Variants in BCL2 observed in about 807,000 individuals in gnomAD.
BCL2 encodes BCL2 apoptosis regulator.
Under a neutral mutation model 14.2 loss-of-function variants are expected in BCL2, and 1 was observed. The ratio of observed to expected loss-of-function variants is 0.07; its 90% CI spans 0.02 to 0.33. BCL2 has a LOEUF of 0.33. Ranked by LOEUF, BCL2 falls within the 10% of genes least tolerant of loss-of-function variation. The probability of loss-of-function intolerance (pLI) is 0.99; values close to 1 mark genes in which losing one functional copy is unlikely to be tolerated. For synonymous variants in BCL2, 151 were observed against 137.2 expected (o/e 1.10, Z -0.70); for missense variants, 247 against 305.9 (o/e 0.81, Z 1.44).
intron 2 of BCL2, among the ~76,000 whole-genome samples, chr18:63,267,534 C>A (rs1911867633): frequency 6.6e-6 from 1 of 152,086 alleles, no homozygotes; most frequent in Non-Finnish European, 1.5e-5. Flanking sequence ...ATGCAACTCA[C>A]TGAGATAAGA....
At position 63,243,138 on chromosome 18, in the gene BCL2, T is replaced by C. The variant is rs187746191; in HGVS notation, c.585+74944A>G. ...TCAGTGATAGACTGGATAAAGAAAA[T>C]TTGGTACATATACACCATGGAATGA... On this transcript the variant is annotated intron_variant, in intron 2 of 2. Coordinates refer to ENST00000333681, the MANE Select transcript of BCL2 (RefSeq NM_000633.3). 1.1e-4 allele frequency among the ~76,000 whole-genome samples: 16 copies of C among 152,232 alleles called. 1 individual carries two copies. Among genetic ancestry groups the C allele is most frequent in the Admixed American group, 2.0e-4 (3 of 15,288 alleles).
At chr18:63,164,428 C>G (rs911076591) in intron 2 of BCL2, among the ~76,000 whole-genome samples, 1 of 152,190 alleles carries the variant, frequency 6.6e-6, no homozygotes, top group African/African-American at 2.4e-5. Flanking sequence ...AGAAGAAAAC[C>G]TCATCCTGGT....
chr18:63,257,369 C>T (rs1911509676), intron 2 of BCL2, among the ~76,000 whole-genome samples: 1 of 152,218 alleles, frequency 6.6e-6, no homozygotes, highest in African/African-American at 2.4e-5. Context: ...GCAAAGTATG[C>T]TGCCATCTAA....
chr18:63,262,350 C>G (rs1911686311), intron 2 of BCL2, among the ~76,000 whole-genome samples: 1 of 152,184 alleles, frequency 6.6e-6, no homozygotes, highest in Non-Finnish European at 1.5e-5. Flanking sequence ...TGTGGCTGAT[C>G]ATCTCCTTGA....
chr18:63,187,801 G>A (rs539818391), intron 2 of BCL2, among the ~76,000 whole-genome samples: 1 of 152,298 alleles, frequency 6.6e-6, no homozygotes, highest in African/African-American at 2.4e-5. Flanking sequence ...GAATTAGTTC[G>A]ACTAATACAG....
chr18:63,256,025 A>T (rs893850301), intron 2 of BCL2, among the ~76,000 whole-genome samples: 3 of 152,054 alleles, frequency 2.0e-5, no homozygotes, highest in Non-Finnish European at 4.4e-5. Flanking sequence ...GGAGAGAAAG[A>T]ATTTTACCTG....
intron 2 of BCL2, among the ~76,000 whole-genome samples, chr18:63,291,751 G>A (rs921885866): frequency 2.7e-5 from 4 of 150,258 alleles, no homozygotes; most frequent in African/African-American, 4.9e-5. Context: ...TCAATAAAGC[G>A]GGAAAAAATG....
chr18:63,271,195 G>A (rs1911993936), intron 2 of BCL2, among the ~76,000 whole-genome samples: 1 of 152,136 alleles, frequency 6.6e-6, no homozygotes, highest in Non-Finnish European at 1.5e-5. Context: ...GAGATATATA[G>A]TTAAAGACAT....
chr18:63,300,758 G>C (rs1912941419), intron 2 of BCL2, among the ~76,000 whole-genome samples: 1 of 152,112 alleles, frequency 6.6e-6, no homozygotes, highest in Non-Finnish European at 1.5e-5. Context: ...AGAACTCCAG[G>C]AGCCGTAGAG....
intron 2 of BCL2, chr18:63,316,488 A>G (rs1158140837): frequency 5.9e-5 from 9 of 152,246 alleles, no homozygotes. Flanking sequence ...TAACAAAAAT[A>G]TTCTTTTCAC....
intron 2 of BCL2, among the ~76,000 whole-genome samples, chr18:63,270,579 G>A (rs1408217853): frequency 3.3e-5 from 5 of 152,150 alleles, no homozygotes; most frequent in East Asian, 1.9e-4. Flanking sequence ...ACAAATATAT[G>A]TACACACAAG....
In BCL2 at chr18:63,173,451, TAAAATA is replaced by T. The variant is rs543371847; in HGVS notation, c.586-44698_586-44693del. On this transcript the variant is annotated intron_variant, in intron 2 of 2. Coordinates refer to ENST00000333681, the MANE Select transcript of BCL2 (RefSeq NM_000633.3). ...GGTGTTTTTGAAGAGACATTTAGAC[TAAAATA>T]AAAATAAAAATAAATGACATGTATA... 7.3e-3 allele frequency among the ~76,000 whole-genome samples: 1,112 copies of T among 152,238 alleles called. 4 individuals carry two copies. Among genetic ancestry groups the T allele is most frequent in the Non-Finnish European group, 0.011 (724 of 68,004 alleles).
At chr18:63,181,140 A>G (rs1278234117) in intron 2 of BCL2, among the ~76,000 whole-genome samples, 1 of 152,246 alleles carries the variant, frequency 6.6e-6, no homozygotes, top group African/African-American at 2.4e-5. Context: ...CAGAAATGAA[A>G]AAGCGTTTTC....
chr18:63,205,014 G>C (rs1047998391), intron 2 of BCL2, among the ~76,000 whole-genome samples: 5 of 152,154 alleles, frequency 3.3e-5, no homozygotes, highest in Non-Finnish European at 7.3e-5. Flanking sequence ...GGTGGATGGG[G>C]ACGGAGGTGC....
intron 2 of BCL2, among the ~76,000 whole-genome samples, chr18:63,135,685 C>A (rs1417171907): frequency 2.6e-5 from 4 of 152,216 alleles, no homozygotes; most frequent in Admixed American, 1.3e-4. Context: ...GCTTCAGGAA[C>A]CTTCCTCCGT....
chr18:63,150,415 A>ATCACT (rs1469928682), intron 2 of BCL2, among the ~76,000 whole-genome samples: 9 of 152,210 alleles, frequency 5.9e-5, no homozygotes, highest in African/African-American at 1.4e-4. Flanking sequence ...AAGCAGAAAA[A>ATCACT]TCACTTTCCT....
chr18:63,184,841 T>C (rs984470030), intron 2 of BCL2, among the ~76,000 whole-genome samples: 1 of 152,148 alleles, frequency 6.6e-6, no homozygotes. Flanking sequence ...CTTGGCCACT[T>C]CTTGAATTTC....
At position 63,155,894 on chromosome 18, in the gene BCL2, C is replaced by A. The variant is rs112581055; in HGVS notation, c.586-27135G>T. Among the ~76,000 whole-genome samples the A allele has an allele frequency of 2.5e-3, 385 of 152,226 alleles. 2 individuals are homozygous for A. The highest frequency in any genetic ancestry group is 8.8e-3 in the African/African-American group (364 of 41,530). On this transcript the variant is annotated intron_variant, in intron 2 of 2. Coordinates refer to ENST00000333681, the MANE Select transcript of BCL2 (RefSeq NM_000633.3). ...CATGTTCTCCTTGGAGGTTAGAGGC[C>A]CATCCTCCCTCTCCCAGGACCCTTC... is the stretch of plus-strand genomic sequence containing the variant.
chr18:63,308,377 A>C (rs913995098), intron 2 of BCL2, among the ~76,000 whole-genome samples: 4 of 152,232 alleles, frequency 2.6e-5, no homozygotes, highest in Admixed American at 2.0e-4. Context: ...CCACTGTGAG[A>C]ACCTTGGGCC....
Sources: gnomAD v4.1 joint callset for allele counts (sites outside exome capture counted in the v4.1 genomes callset) on GRCh38, gnomAD v4.1.1 for gene constraint, MANE v1.5 for transcripts, NCBI Gene and HGNC (gene_info 2026-07-23, HGNC 2026-07-21) for gene names.